The following CP variants were observed in gnomAD, a reference collection of about 807,000 sequenced individuals.
CP encodes the protein ceruloplasmin.
CP carries 64 observed loss-of-function variants against 122.4 expected under a neutral mutation model. That is an observed-to-expected ratio of 0.52 (90% CI 0.43 to 0.64). The LOEUF is 0.64. Among genes scored for constraint, CP ranks in the 30% least tolerant of loss-of-function variants. The pLI is 0.00. For missense variants in CP, 1,167 were observed against 1,284.4 expected, an observed-to-expected ratio of 0.91 and a Z score of 1.40; for synonymous variants, 440 against 436.4, an observed-to-expected ratio of 1.01 and a Z score of -0.10.
intron 4 of CP, among the ~76,000 whole-genome samples, chr3:149,208,288 A>C (rs1727877072): frequency 6.6e-6 from 1 of 152,142 alleles, no homozygotes; most frequent in African/African-American, 2.4e-5. Flanking sequence ...AGTGGAAATT[A>C]GTTCTGGGAA....
rs184830754 is a variant in CP at position 149,213,341 on chromosome 3, T to C, written c.147-643A>G. On this transcript the variant is annotated intron_variant, in intron 1 of 18. Transcript: ENST00000264613. ...CCCTCACTAGTACAGATACTTAACA[T>C]TGAATGTTTGTATTCTAGTGAATGT... Among the ~76,000 whole-genome samples the C allele has an allele frequency of 1.7e-3, 261 of 152,378 alleles. 3 individuals carry two copies. The highest frequency in any genetic ancestry group is 0.014 in the Middle Eastern group (4 of 294).
downstream of CP, chr3:149,172,303 T>G: frequency 9.7e-7 from 1 of 1,030,024 alleles, no homozygotes; most frequent in South Asian, 1.3e-5. Context: ...GTAGAGGAGT[T>G]TTTTATTTTA....
At chr3:149,184,023 T>TA (rs1202802278) in intron 12 of CP, among the ~76,000 whole-genome samples, 2 of 127,190 alleles carry the variant, frequency 1.6e-5, no homozygotes, top group Non-Finnish European at 3.4e-5. Context: ...CCTTTTCACT[T>TA]ACTTCTTTTT....
At position 149,216,529 on chromosome 3, in the gene CP, C is replaced by A. The variant is rs1728468481; in HGVS notation, c.147-3831G>T. 2.0e-5 allele frequency among the ~76,000 whole-genome samples: 3 copies of A among 152,172 alleles called. 1 individual carries two copies. Among genetic ancestry groups the A allele is most frequent in the Admixed American group, 2.0e-4 (3 of 15,282 alleles). On this transcript the variant is annotated intron_variant, in intron 1 of 18. Transcript: ENST00000264613. ...ATAAATCATGAGAGTGATGTCTCAT[C>A]CTGTTCACAGGTTCTGGAGATTTAG...
At position 149,206,834 on chromosome 3, in the gene CP, G is replaced by A. The variant is rs890365522; in HGVS notation, c.1037-495C>T. ...TTGATAAAAGCAATTATATTTGCACGTCAAAGTAAAATATCTGAACTCCTA... is the reference window on the plus strand; with the variant it reads ...TTGATAAAAGCAATTATATTTGCACATCAAAGTAAAATATCTGAACTCCTA... On this transcript the variant is annotated intron_variant, in intron 5 of 18. Transcript: ENST00000264613. Among the ~76,000 whole-genome samples the A allele has an allele frequency of 7.2e-5, 11 of 152,144 alleles. 1 individual carries two copies. Among genetic ancestry groups the A allele is most frequent in the African/African-American group, 1.4e-4 (6 of 41,438 alleles).
Position 149,199,775 on chromosome 3 carries a change from C to T in CP, c.1438G>A (p.Val480Met). 6.2e-7 allele frequency: 1 copy of T among 1,614,126 alleles called. No homozygotes were observed. ...AYPLSIEPIG[V>M]RFNKNNEGTY... is the part of the protein sequence containing the mutation. ...CCCTCGTTGTTCTTATTGAATCTCACCCCAATCGGCTCAATACTGAGGGGA... is the reference window on the plus strand; with the variant it reads ...CCCTCGTTGTTCTTATTGAATCTCATCCCAATCGGCTCAATACTGAGGGGA... The change falls in exon 8 of 19, where the codon GTG (valine) becomes ATG (methionine). Residue 480 changes from valine (V) to methionine (M), a missense_variant. Val to Met is a conservative substitution (Grantham distance 21, BLOSUM62 1). Around this residue, in one of 2 missense-constraint regions of CP, gnomAD observed 642 missense variants for 627.3 expected, o/e 1.02. Coordinates refer to ENST00000264613, the MANE Select transcript of CP (RefSeq NM_000096.4).
intron 16 of CP, 48 bp downstream of exon 16, chr3:149,178,367 G>T: frequency 7.3e-7 from 1 of 1,376,418 alleles, no homozygotes; most frequent in South Asian, 1.2e-5. Flanking sequence ...ATTTGAAAGA[G>T]AAAATGATAA....
rs1268326143 is a variant in CP, at chr3:149,176,079, C to T, written c.3181+171G>A. 4.7e-6 allele frequency: 3 copies of T among 641,924 alleles called. No homozygotes were observed. The African/African-American group carries it at 5.5e-5, about 12-fold the overall frequency. The allele number at this position is 641,924 out of a possible 1,614,324, so 39.8% of individuals were successfully genotyped here. ...TCAGGAAATGAGCAGTATCCCTCAC[C>T]ATTTAGCAGGAAAAAAATCCTGTTT... On this transcript the variant is annotated intron_variant, in intron 18 of 18. Transcript: ENST00000264613.
At chr3:149,166,960 A>C in intron 4 of CP, 5 of 1,179,240 alleles carry the variant, frequency 4.2e-6, no homozygotes, top group Non-Finnish European at 6.3e-6. Flanking sequence ...TAGTCTTAAG[A>C]AATTGAATTC....
chr3:149,184,066 T>C (rs1415620871), intron 12 of CP, among the ~76,000 whole-genome samples: 23 of 133,982 alleles, frequency 1.7e-4, no homozygotes, highest in African/African-American at 5.0e-4. Flanking sequence ...TGAGGAGTCT[T>C]GCTCTGTCGC....
intron 2 of CP, among the ~76,000 whole-genome samples, chr3:149,210,869 G>C (rs35876747): frequency 0.013 from 1,938 of 152,234 alleles, 17 homozygotes; most frequent in Non-Finnish European, 0.02. Context: ...GGCCAACCTT[G>C]TTTCATCTGT....
intron 17 of CP, among the ~76,000 whole-genome samples, chr3:149,177,581 A>G (rs1201208446): frequency 6.6e-6 from 1 of 152,206 alleles, no homozygotes; most frequent in African/African-American, 2.4e-5. Context: ...CAGTGCCTAC[A>G]TATCATTTCA....
intron 4 of CP, 79 bp from the exon 5 acceptor site, chr3:149,207,696 T>A (rs943594671): frequency 8.0e-6 from 12 of 1,497,728 alleles, no homozygotes; most frequent in African/African-American, 1.4e-5. Context: ...ATAAATAGAA[T>A]CAATTTGGAA....
chr3:149,199,617 G>A (rs1727161894), intron 8 of CP, 95 bp downstream of exon 8: 1 of 1,445,078 alleles, frequency 6.9e-7, no homozygotes, highest in Non-Finnish European at 9.7e-7. Flanking sequence ...GTTTCCTTGG[G>A]AGTTCCTGCC....
rs745636805 is a variant in CP, at chr3:149,167,266, A to C, written c.587-1216T>G. 4.5e-6 allele frequency: 7 copies of C among 1,555,396 alleles called. No homozygotes were observed. The Middle Eastern group carries it at 6.0e-4, about 132-fold the overall frequency. On this transcript the variant is annotated intron_variant, in intron 4 of 5. Coordinates refer to the CP transcript ENST00000479771. ...GTATGCTTTTTCAGATTATGTTTTT[A>C]GGCTTGATCAGTGATAATCAGATCT...
intron 14 of CP, chr3:149,180,079 T>C (rs1725679762): frequency 4.1e-6 from 1 of 245,234 alleles, no homozygotes; most frequent in Admixed American, 5.1e-5. Context: ...TCTGCATGTG[T>C]GTATCTGGAC....
At chr3:149,163,843 T>G (rs770550121) in intron 5 of CP, 1 of 1,485,794 alleles carries the variant, frequency 6.7e-7, no homozygotes, top group South Asian at 1.1e-5. Flanking sequence ...ATGTTTTAGA[T>G]AAATGCCTGT....
chr3:149,163,448 C>T (rs1020227804), intron 5 of CP, among the ~76,000 whole-genome samples: 1 of 152,094 alleles, frequency 6.6e-6, no homozygotes, highest in Non-Finnish European at 1.5e-5. Flanking sequence ...GGAGAAGTTA[C>T]CAGCTTCTTG....
intron 4 of CP, among the ~76,000 whole-genome samples, chr3:149,208,797 A>G (rs1244818824): frequency 2.6e-5 from 4 of 152,212 alleles, no homozygotes; most frequent in Non-Finnish European, 4.4e-5. Flanking sequence ...AGTATGTAAA[A>G]CGAATACCTT....
Sources: gnomAD v4.1 joint callset for allele counts (sites outside exome capture counted in the v4.1 genomes callset) on GRCh38, gnomAD v4.1.1 for gene constraint, gnomAD v4.1.1 regional missense constraint, MANE v1.5 for transcripts, NCBI Gene and HGNC (gene_info 2026-07-23, HGNC 2026-07-21) for gene names.